Variants in TAFA5 observed in about 807,000 individuals in gnomAD.
TAFA5 encodes the protein chemokine-like protein TAFA-5.
In TAFA5, 6 loss-of-function variants were observed where a neutral mutation model predicts 15.3. The observed-to-expected ratio is 0.39, with a 90% CI of 0.21 to 0.77. TAFA5 has a LOEUF of 0.77. Ranked by LOEUF, TAFA5 falls within the 30% of genes least tolerant of loss-of-function variation. The pLI is 0.41. For synonymous variants in TAFA5, 103 were observed against 80.7 expected, an observed-to-expected ratio of 1.28 and a Z score of -1.48; for missense variants, 161 against 193.1, an observed-to-expected ratio of 0.83 and a Z score of 0.98.
At position 48,750,206 on chromosome 22, in the gene TAFA5, G is replaced by T. The variant is rs1329781108; in HGVS notation, c.*359G>T. The stretch of plus-strand genomic sequence containing the variant: ...GGCAGCCACAGAAGGCTGCAGCCCA[G>T]CCCGCCTGAGACACGACGCCTGCCC... On this transcript the variant is annotated 3_prime_UTR_variant, in exon 4 of 4. Transcript: ENST00000402357. The T allele has an allele frequency of 1.9e-5, 7 of 368,514 alleles. No homozygotes were observed. The highest frequency in any genetic ancestry group is 3.5e-5 in the Non-Finnish European group (7 of 200,780). 22.8% of individuals were successfully genotyped at this position (368,514 alleles called of 1,614,324 possible). A position where few individuals can be genotyped will look rare whatever the true frequency, so the allele number is the denominator to read the frequency against.
chr22:48,718,413 G>A (rs1432588527), intron 3 of TAFA5, among the ~76,000 whole-genome samples: 1 of 152,186 alleles, frequency 6.6e-6, no homozygotes, highest in African/African-American at 2.4e-5. Context: ...GTCAAGAGGT[G>A]TCTTGAGGGA....
intron 1 of TAFA5, among the ~76,000 whole-genome samples, chr22:48,592,564 G>T (rs1924608814): frequency 6.6e-6 from 1 of 152,208 alleles, no homozygotes; most frequent in Non-Finnish European, 1.5e-5. Context: ...CGAAACGGGT[G>T]CTCCGGGCAC....
At chr22:48,738,253 A>G (rs1455434422) in intron 3 of TAFA5, among the ~76,000 whole-genome samples, 1 of 152,148 alleles carries the variant, frequency 6.6e-6, no homozygotes, top group Non-Finnish European at 1.5e-5. Flanking sequence ...CGGAATGTCT[A>G]TATTGTTTTT....
rs1930205804 is a variant in TAFA5, at chr22:48,742,429, G to A, written c.391-7410G>A. Among the ~76,000 whole-genome samples, 1 of 152,220 alleles carries A rather than the reference G, an allele frequency of 6.6e-6. No homozygotes were observed. The highest frequency in any genetic ancestry group is 2.4e-5 in the African/African-American group (1 of 41,468). On this transcript the variant is annotated intron_variant, in intron 3 of 3. Coordinates refer to ENST00000402357, the MANE Select transcript of TAFA5 (RefSeq NM_001082967.3). The surrounding 1 kb of genome is among the most constrained non-coding windows in gnomAD (Gnocchi z 6.2). Reference sequence around the variant, plus strand: ...CAGCAAGAGCCCAGCCAGAGCAGGTGGGGCAGGAGACGGGTGGAGCGGGTG... The same window carrying A: ...CAGCAAGAGCCCAGCCAGAGCAGGTAGGGCAGGAGACGGGTGGAGCGGGTG...
At chr22:48,618,151 GTC>G (rs1446419147) in intron 1 of TAFA5, among the ~76,000 whole-genome samples, 1 of 152,192 alleles carries the variant, frequency 6.6e-6, no homozygotes, top group Non-Finnish European at 1.5e-5. Context: ...TGTGGGTGCA[GTC>G]GAGCCTGGCC....
intron 2 of TAFA5, among the ~76,000 whole-genome samples, chr22:48,687,973 G>A (rs532706282): frequency 1.9e-4 from 28 of 151,228 alleles, no homozygotes; most frequent in African/African-American, 5.3e-4. Context: ...CTGTCAGTTC[G>A]TAGGAATTTG....
intron 3 of TAFA5, among the ~76,000 whole-genome samples, chr22:48,712,336 C>T (rs535122907): frequency 2.0e-5 from 3 of 152,352 alleles, no homozygotes; most frequent in East Asian, 1.9e-4. Flanking sequence ...GGATTACAGG[C>T]GTGAGCCACC....
chr22:48,656,932 T>C (rs1456276332), intron 2 of TAFA5, among the ~76,000 whole-genome samples: 1 of 151,584 alleles, frequency 6.6e-6, no homozygotes, highest in Non-Finnish European at 1.5e-5. Context: ...TGCCCAGCTA[T>C]TTTTTTTCTT....
chr22:48,650,250 G>T (rs946055767), intron 2 of TAFA5, among the ~76,000 whole-genome samples: 2 of 152,182 alleles, frequency 1.3e-5, no homozygotes, highest in Non-Finnish European at 2.9e-5. Flanking sequence ...GACCACAGGC[G>T]CTCGGAATGC....
chr22:48,521,974 C>T (rs1421474920), intron 1 of TAFA5, among the ~76,000 whole-genome samples: 1 of 152,200 alleles, frequency 6.6e-6, no homozygotes, highest in African/African-American at 2.4e-5. Flanking sequence ...AGGCCGAGCT[C>T]CCGGCCAGCC....
intron 2 of TAFA5, among the ~76,000 whole-genome samples, chr22:48,673,503 G>A (rs1220181221): frequency 1.3e-5 from 2 of 152,154 alleles, no homozygotes; most frequent in African/African-American, 4.8e-5. Flanking sequence ...CCTAAGTTGG[G>A]GGAATGGCTG....
At chr22:48,555,009 C>T (rs996768860) in intron 1 of TAFA5, among the ~76,000 whole-genome samples, 1 of 152,194 alleles carries the variant, frequency 6.6e-6, no homozygotes, top group Non-Finnish European at 1.5e-5. Context: ...GCTCTGAGAT[C>T]TCCGATGGTG....
intron 1 of TAFA5, among the ~76,000 whole-genome samples, chr22:48,593,023 G>T (rs868323654): frequency 3.0e-4 from 46 of 152,246 alleles, no homozygotes; most frequent in Admixed American, 2.2e-3. Context: ...GGGCGGGGGG[G>T]TCTGTAGGAG....
intron 3 of TAFA5, among the ~76,000 whole-genome samples, chr22:48,722,622 T>C (rs1267345591): frequency 6.6e-6 from 1 of 152,128 alleles, no homozygotes; most frequent in Non-Finnish European, 1.5e-5. Context: ...GGTTGATGGG[T>C]GCAGCAAACC....
chr22:48,749,382 T>G (rs1057056599), intron 3 of TAFA5, among the ~76,000 whole-genome samples: 6 of 151,886 alleles, frequency 4.0e-5, no homozygotes, highest in Non-Finnish European at 5.9e-5. Flanking sequence ...GGCTCCGTGG[T>G]GGGGGTGCGG....
chr22:48,494,540 G>T (rs1371270346), intron 1 of TAFA5, among the ~76,000 whole-genome samples: 1 of 152,160 alleles, frequency 6.6e-6, no homozygotes, highest in Non-Finnish European at 1.5e-5. Flanking sequence ...GCCTGTGTTG[G>T]TGCAGATGCA....
chr22:48,666,773 G>A (rs1169924731), intron 2 of TAFA5, among the ~76,000 whole-genome samples: 2 of 152,324 alleles, frequency 1.3e-5, no homozygotes, highest in East Asian at 3.9e-4. Context: ...GGTGACATCA[G>A]CAGGCCTCCC....
intron 2 of TAFA5, among the ~76,000 whole-genome samples, chr22:48,676,982 G>A (rs1169615588): frequency 6.6e-6 from 1 of 152,220 alleles, no homozygotes; most frequent in Non-Finnish European, 1.5e-5. Context: ...GCCCTGGGTA[G>A]GCCTCTGCCC....
At chr22:48,580,642 G>C (rs1924001358) in intron 1 of TAFA5, among the ~76,000 whole-genome samples, 1 of 152,192 alleles carries the variant, frequency 6.6e-6, no homozygotes. Flanking sequence ...CGGTGGAGGA[G>C]GAACTCACTG....
Sources: allele counts gnomAD v4.1 joint callset (sites outside exome capture counted in the v4.1 genomes callset), GRCh38; gene constraint gnomAD v4.1.1; non-coding constraint Gnocchi (gnomAD v3.1); transcripts MANE v1.5; gene names NCBI Gene and HGNC (gene_info 2026-07-23, HGNC 2026-07-21).